IL1RAP: variants seen among roughly 807,000 people sequenced by gnomAD.
IL1RAP encodes interleukin 1 receptor accessory protein.
In IL1RAP, 35 loss-of-function variants were observed where a neutral mutation model predicts 60.7. That is an observed-to-expected ratio of 0.58 (90% CI 0.44 to 0.76). IL1RAP has a LOEUF of 0.76. Among genes scored for constraint, IL1RAP ranks in the 30% least tolerant of loss-of-function variants. The probability of loss-of-function intolerance (pLI) is 0.00; values close to 1 mark genes in which losing one functional copy is unlikely to be tolerated. For missense variants in IL1RAP, 572 were observed against 693.9 expected, an observed-to-expected ratio of 0.82 and a Z score of 1.97; for synonymous variants, 268 against 250.9, an observed-to-expected ratio of 1.07 and a Z score of -0.64.
intron 1 of IL1RAP, chr3:190,550,581 C>CAAAAAGGA (rs965328898): frequency 2.0e-5 from 3 of 152,148 alleles, no homozygotes; most frequent in African/African-American, 7.2e-5. Flanking sequence ...CTTACTTTCC[C>CAAAAAGGA]AAAAAGGAAA....
chr3:190,635,210 A>G (rs2108834593), intron 9 of IL1RAP, among the ~76,000 whole-genome samples: 1 of 152,074 alleles, frequency 6.6e-6, no homozygotes, highest in South Asian at 2.1e-4. Context: ...ATTTTTAGTG[A>G]TGTTCCACTG....
At chr3:190,577,353 A>C (rs1250065121) in intron 3 of IL1RAP, among the ~76,000 whole-genome samples, 1 of 152,120 alleles carries the variant, frequency 6.6e-6, no homozygotes, top group Non-Finnish European at 1.5e-5. Context: ...CCAACTATTC[A>C]ATTTTTAGGA....
At chr3:190,553,146 C>T (rs1271755526) in intron 1 of IL1RAP, among the ~76,000 whole-genome samples, 1 of 152,158 alleles carries the variant, frequency 6.6e-6, no homozygotes, top group East Asian at 1.9e-4. Context: ...AAAGCCTTGC[C>T]ATGTGGTTAC....
At chr3:190,564,088 A>T in intron 2 of IL1RAP, 2 of 559,578 alleles carry the variant, frequency 3.6e-6, no homozygotes, top group South Asian at 4.6e-5. Context: ...GTAATATGGG[A>T]ATTGAAAAAC....
At chr3:190,654,245 T>C (rs537105049), downstream of IL1RAP, among the ~76,000 whole-genome samples, 108 of 142,830 alleles carry the variant, frequency 7.6e-4, 1 homozygote, top group South Asian at 0.021. Flanking sequence ...GCATGAGTTC[T>C]CTTTGTTGAC....
At position 190,650,092 on chromosome 3, in the gene IL1RAP, A is replaced by G. The variant is rs1734306800; in HGVS notation, c.*1387A>G. 4.9e-6 allele frequency: 4 copies of G among 817,080 alleles called. No homozygotes were observed. Among genetic ancestry groups the G allele is most frequent in the Non-Finnish European group, 4.4e-6 (3 of 677,352 alleles). The allele number at this position is 817,080 out of a possible 1,614,324, so 50.6% of individuals were successfully genotyped here. A position where few individuals can be genotyped will look rare whatever the true frequency, so the allele number is the denominator to read the frequency against. ...ATATATATATAATTTGTGTGTGTGT[A>G]TGTGTATGTATATGACTTTAAATAG... On this transcript the variant is annotated 3_prime_UTR_variant, in exon 12 of 12. Transcript: ENST00000447382.
In IL1RAP at chr3:190,610,100, G is replaced by C. The variant is rs1388958040; in HGVS notation, c.537+919G>C. Among the ~76,000 whole-genome samples the C allele has an allele frequency of 3.9e-5, 6 of 152,262 alleles. No homozygotes were observed. The East Asian group carries it at 1.2e-3, about 29-fold the overall frequency. ...ATATGACCAGCCACGTTGAGGAGAA[G>C]CTACTGTGAGTAGAATCAAAAGTAA... On this transcript the variant is annotated intron_variant, in intron 5 of 11. Transcript: ENST00000447382.
chr3:190,629,581 A>G, intron 9 of IL1RAP, 83 bp downstream of exon 9: 1 of 1,503,474 alleles, frequency 6.7e-7, no homozygotes, highest in Non-Finnish European at 8.9e-7. Flanking sequence ...ATTGAGAACA[A>G]GAGAGCTCCA....
intron 3 of IL1RAP, among the ~76,000 whole-genome samples, chr3:190,565,653 T>TC (rs1306979806): frequency 1.3e-5 from 2 of 152,318 alleles, no homozygotes; most frequent in African/African-American, 4.8e-5. Flanking sequence ...GGAGATGTTA[T>TC]TCGGCTGGGA....
intron 3 of IL1RAP, among the ~76,000 whole-genome samples, chr3:190,583,553 C>T (rs1560189024): frequency 6.6e-6 from 1 of 152,210 alleles, no homozygotes; most frequent in South Asian, 2.1e-4. Flanking sequence ...CTAAAGCTCT[C>T]TCTTTGAGCT....
downstream of IL1RAP, among the ~76,000 whole-genome samples, chr3:190,653,542 C>G (rs1734495915): frequency 6.6e-6 from 1 of 151,476 alleles, no homozygotes; most frequent in African/African-American, 2.4e-5. Flanking sequence ...GTTCTTTTAT[C>G]TACTAATAAC....
intron 3 of IL1RAP, among the ~76,000 whole-genome samples, chr3:190,596,706 G>A (rs1729407928): frequency 6.6e-6 from 1 of 152,100 alleles, no homozygotes. Context: ...AATAAGAAGG[G>A]ACATTATAAA....
intron 3 of IL1RAP, among the ~76,000 whole-genome samples, chr3:190,572,601 A>C (rs1265336106): frequency 6.6e-6 from 1 of 152,176 alleles, no homozygotes; most frequent in African/African-American, 2.4e-5. Flanking sequence ...ATTACCAAAG[A>C]AGCTAAACCA....
rs536918400 is a variant in IL1RAP at position 190,597,083 on chromosome 3, A to G, written c.65-7045A>G. On this transcript the variant is annotated intron_variant, in intron 3 of 11. Coordinates refer to ENST00000447382, the MANE Select transcript of IL1RAP (RefSeq NM_002182.4). ...GGTACAGGAGGCTGACTCACTTTAC[A>G]CACATATTCATTTGGTCCATGAAAC... Among the ~76,000 whole-genome samples, 4 of 152,334 alleles carry G rather than the reference A, an allele frequency of 2.6e-5. No individual in the cohort carries two copies. The South Asian group carries it at 6.2e-4, about 24-fold the overall frequency.
rs959480399 is a variant in IL1RAP at position 190,651,284 on chromosome 3, A to C, written c.*2579A>C. 6.3e-6 allele frequency: 6 copies of C among 955,620 alleles called. No homozygotes were observed. In the African/African-American group the frequency reaches 8.8e-5, roughly 14 times the overall value. 59.2% of individuals were successfully genotyped at this position (955,620 alleles called of 1,614,324 possible). A position where few individuals can be genotyped will look rare whatever the true frequency, so the allele number is the denominator to read the frequency against. On this transcript the variant is annotated 3_prime_UTR_variant, in exon 12 of 12. Transcript: ENST00000447382. Reference sequence around the variant, plus strand: ...TACAAAATCATATACGATTTATTTAATTCTCTTCTGTATTGTAACTTAGAT... The same window carrying C: ...TACAAAATCATATACGATTTATTTACTTCTCTTCTGTATTGTAACTTAGAT...
At chr3:190,656,409 C>A (rs1197007938), downstream of IL1RAP, 3 of 1,537,214 alleles carry the variant, frequency 2.0e-6, no homozygotes, top group South Asian at 3.6e-5. Flanking sequence ...GAGAGAATCA[C>A]CTTAGGAACA....
chr3:190,648,465 C>T lies in IL1RAP; in HGVS notation c.1473C>T (p.Ala491=). The T allele has an allele frequency of 6.2e-7, 1 of 1,614,082 alleles. No individual in the cohort carries two copies. Among genetic ancestry groups the T allele is most frequent in the Non-Finnish European group, 8.5e-7 (1 of 1,180,012 alleles). ...LELKAGLENM[A]SRGNINVILV... is the part of the protein sequence containing the mutation. The stretch of plus-strand genomic sequence containing the variant: ...TCAAGGCTGGCCTAGAAAATATGGC[C>T]TCTCGGGGCAACATCAACGTCATTT... The change falls in exon 12 of 12, where the codon GCC becomes GCT. Residue 491 remains alanine (A), a synonymous_variant. Coordinates refer to ENST00000447382, the MANE Select transcript of IL1RAP (RefSeq NM_002182.4).
At chr3:190,614,410 T>C (rs930371382) in intron 5 of IL1RAP, among the ~76,000 whole-genome samples, 7 of 152,062 alleles carry the variant, frequency 4.6e-5, no homozygotes, top group South Asian at 2.1e-4. Flanking sequence ...TATGTTCATA[T>C]GTAACACCAG....
At chr3:190,606,662 C>T (rs1451611344) in intron 4 of IL1RAP, among the ~76,000 whole-genome samples, 3 of 152,170 alleles carry the variant, frequency 2.0e-5, no homozygotes, top group Non-Finnish European at 4.4e-5. Context: ...TATTTATCAA[C>T]TTTCAGATTG....
Sources: allele counts gnomAD v4.1 joint callset (sites outside exome capture counted in the v4.1 genomes callset), GRCh38; gene constraint gnomAD v4.1.1; transcripts MANE v1.5; gene names NCBI Gene and HGNC (gene_info 2026-07-23, HGNC 2026-07-21).